RUNDC3B: variants seen among roughly 807,000 people sequenced by gnomAD.
RUNDC3B encodes RUN domain containing 3B.
A neutral mutation model predicts 58.4 loss-of-function variants in RUNDC3B; 33 were observed. The observed-to-expected ratio is 0.56, with a 90% CI of 0.43 to 0.75. The LOEUF (loss-of-function observed/expected upper bound fraction) is 0.75. Ranked by LOEUF, RUNDC3B falls within the 30% of genes least tolerant of loss-of-function variation. The pLI, the probability that RUNDC3B is intolerant of heterozygous loss-of-function variation, is 0.00. For missense variants in RUNDC3B, 501 were observed against 535.7 expected (o/e 0.94, Z 0.64); for synonymous variants, 193 against 195.2 (o/e 0.99, Z 0.10).
intron 6 of RUNDC3B, among the ~76,000 whole-genome samples, chr7:87,750,427 A>T (rs1832902391): frequency 6.6e-6 from 1 of 151,484 alleles, no homozygotes; most frequent in African/African-American, 2.4e-5. Flanking sequence ...TGGTGTTTCT[A>T]GTTCTAGATC....
chr7:87,669,864 T>C (rs1825657814), intron 2 of RUNDC3B, among the ~76,000 whole-genome samples: 3 of 152,210 alleles, frequency 2.0e-5, no homozygotes, highest in Admixed American at 2.0e-4. Flanking sequence ...GAGTTCCTTT[T>C]GTAGGTCATG....
At chr7:87,697,641 A>G (rs1324286943) in intron 2 of RUNDC3B, among the ~76,000 whole-genome samples, 6 of 152,218 alleles carry the variant, frequency 3.9e-5, no homozygotes, top group African/African-American at 7.2e-5. Flanking sequence ...AACTGCTTGT[A>G]TGATTACAGT....
At chr7:87,728,396 A>G (rs146824878) in intron 4 of RUNDC3B, among the ~76,000 whole-genome samples, 3,823 of 152,298 alleles carry the variant, frequency 0.025, 76 homozygotes, top group Middle Eastern at 0.044. Context: ...GTAACAAACT[A>G]TCACAAACTT....
At chr7:87,640,530 A>T (rs1391933289) in intron 1 of RUNDC3B, among the ~76,000 whole-genome samples, 1 of 151,774 alleles carries the variant, frequency 6.6e-6, no homozygotes, top group Non-Finnish European at 1.5e-5. Flanking sequence ...TAATTTGTAG[A>T]TATAGGATCT....
At chr7:87,798,735 G>C (rs1835956071) in intron 8 of RUNDC3B, among the ~76,000 whole-genome samples, 1 of 152,118 alleles carries the variant, frequency 6.6e-6, no homozygotes, top group South Asian at 2.1e-4. Flanking sequence ...TCTTCTTAAA[G>C]GATAGTGTCA....
chr7:87,631,477 G>A (rs1284253915), intron 1 of RUNDC3B, among the ~76,000 whole-genome samples: 2 of 152,058 alleles, frequency 1.3e-5, no homozygotes, highest in African/African-American at 2.4e-5. Flanking sequence ...TGCAAGCTCC[G>A]CCTCCCGGGT....
intron 7 of RUNDC3B, among the ~76,000 whole-genome samples, chr7:87,773,270 C>A (rs184839302): frequency 7.1e-6 from 1 of 141,588 alleles, no homozygotes; most frequent in Non-Finnish European, 1.5e-5. Flanking sequence ...TTGCAGTGAG[C>A]GGAGATCGCG....
chr7:87,663,739 C>A (rs1386692529), intron 2 of RUNDC3B, among the ~76,000 whole-genome samples: 2 of 152,076 alleles, frequency 1.3e-5, no homozygotes, highest in Admixed American at 6.6e-5. Context: ...TACTGAGAGG[C>A]TTAAGTAACA....
intron 7 of RUNDC3B, among the ~76,000 whole-genome samples, chr7:87,775,329 A>G (rs1367927574): frequency 1.3e-5 from 2 of 152,238 alleles, no homozygotes; most frequent in Non-Finnish European, 2.9e-5. Flanking sequence ...AAATGTTTCA[A>G]TAGAAAAAAA....
chr7:87,805,697 C>A (rs1371201891), intron 8 of RUNDC3B, among the ~76,000 whole-genome samples: 1 of 152,164 alleles, frequency 6.6e-6, no homozygotes, highest in Admixed American at 6.5e-5. Context: ...CTATTATTAA[C>A]TGTGTTCTAC....
At chr7:87,763,960 G>A (rs1833837333) in intron 6 of RUNDC3B, among the ~76,000 whole-genome samples, 1 of 151,698 alleles carries the variant, frequency 6.6e-6, no homozygotes, top group Non-Finnish European at 1.5e-5. Flanking sequence ...TATAATGTCT[G>A]TCTTTGTGTT....
chr7:87,726,296 A>G (rs1283506726), intron 4 of RUNDC3B, among the ~76,000 whole-genome samples: 2 of 152,196 alleles, frequency 1.3e-5, no homozygotes, highest in Non-Finnish European at 1.5e-5. Context: ...ATCCAGTTTC[A>G]GCTTTCTACA....
At chr7:87,729,106 A>G (rs1831425996) in intron 4 of RUNDC3B, among the ~76,000 whole-genome samples, 1 of 152,164 alleles carries the variant, frequency 6.6e-6, no homozygotes, top group Non-Finnish European at 1.5e-5. Context: ...ATGTATGAAA[A>G]TATGCTATTT....
intron 4 of RUNDC3B, among the ~76,000 whole-genome samples, chr7:87,718,934 A>C (rs1830710811): frequency 6.6e-6 from 1 of 152,120 alleles, no homozygotes; most frequent in South Asian, 2.1e-4. Flanking sequence ...ATATTTGTAG[A>C]TGATAAGGTT....
intron 4 of RUNDC3B, among the ~76,000 whole-genome samples, chr7:87,736,976 C>T (rs1488439214): frequency 2.9e-5 from 4 of 137,912 alleles, no homozygotes; most frequent in African/African-American, 8.1e-5. Context: ...CAGCTCACTT[C>T]AACCTCTGTC....
intron 8 of RUNDC3B, among the ~76,000 whole-genome samples, chr7:87,787,317 G>A (rs1171605063): frequency 6.6e-6 from 1 of 152,048 alleles, no homozygotes; most frequent in African/African-American, 2.4e-5. Context: ...AATTTCCTTT[G>A]TTACTCCTGA....
intron 2 of RUNDC3B, among the ~76,000 whole-genome samples, chr7:87,665,528 T>A (rs1825138239): frequency 6.6e-6 from 1 of 152,160 alleles, no homozygotes; most frequent in African/African-American, 2.4e-5. Flanking sequence ...ACCTATAGAT[T>A]CAATGCAGTA....
At chr7:87,634,499 G>GT (rs1202181113) in intron 1 of RUNDC3B, among the ~76,000 whole-genome samples, 1 of 135,904 alleles carries the variant, frequency 7.4e-6, no homozygotes, top group African/African-American at 2.7e-5. Context: ...GGGGGTGGGG[G>GT]GGGGGGCACC....
At chr7:87,725,318 C>G (rs1831156766) in intron 4 of RUNDC3B, among the ~76,000 whole-genome samples, 1 of 152,102 alleles carries the variant, frequency 6.6e-6, no homozygotes, top group Non-Finnish European at 1.5e-5. Context: ...TCAATTCGCA[C>G]CTATAAGTGA....
Sources: allele counts gnomAD v4.1 joint callset (sites outside exome capture counted in the v4.1 genomes callset), GRCh38; gene constraint gnomAD v4.1.1; transcripts MANE v1.5; gene names NCBI Gene and HGNC (gene_info 2026-07-23, HGNC 2026-07-21).